The following TRDN variants were observed in gnomAD, a reference collection of about 807,000 sequenced individuals.
TRDN encodes triadin in skeletal muscle.
A neutral mutation model predicts 149.7 loss-of-function variants in TRDN; 161 were observed. The observed-to-expected ratio is 1.08, with a 90% CI of 0.95 to 1.23. The LOEUF (loss-of-function observed/expected upper bound fraction) is 1.23, where lower values mean the gene tolerates loss of function less well. Among genes scored for constraint, TRDN ranks in the 50% most tolerant of loss-of-function variants. TRDN has a pLI of 0.00. For synonymous variants in TRDN, 294 were observed against 250.5 expected (o/e 1.17, Z -1.64); for missense variants, 896 against 823.5 (o/e 1.09, Z -1.08).
chr6:123,460,366 A>G (rs1399841101), intron 10 of TRDN, among the ~76,000 whole-genome samples: 1 of 152,174 alleles, frequency 6.6e-6, no homozygotes. Flanking sequence ...AAAAATATTA[A>G]CAGCAACCAA....
chr6:123,351,655 T>A, intron 21 of TRDN: 2 of 949,036 alleles, frequency 2.1e-6, no homozygotes, highest in Non-Finnish European at 2.5e-6. Context: ...ATTGAAGGAT[T>A]TTCTTGATAT....
At chr6:123,412,715 T>C (rs1364253997) in intron 12 of TRDN, among the ~76,000 whole-genome samples, 2 of 152,140 alleles carry the variant, frequency 1.3e-5, no homozygotes, top group African/African-American at 2.4e-5. Context: ...GATATGTAGC[T>C]TTTAGTAACT....
chr6:123,343,498 A>G (rs536485751), intron 21 of TRDN, among the ~76,000 whole-genome samples: 29 of 152,064 alleles, frequency 1.9e-4, no homozygotes, highest in Admixed American at 1.3e-3. Flanking sequence ...AATTGAATAT[A>G]AGAAAAAATG....
chr6:123,581,463 C>T (rs530028132), intron 1 of TRDN, among the ~76,000 whole-genome samples: 1 of 152,198 alleles, frequency 6.6e-6, no homozygotes, highest in African/African-American at 2.4e-5. Flanking sequence ...ACAGTTAAGG[C>T]CCCAATAGTT....
intron 23 of TRDN, among the ~76,000 whole-genome samples, chr6:123,326,173 T>A (rs1779446485): frequency 6.6e-6 from 1 of 152,120 alleles, no homozygotes; most frequent in Non-Finnish European, 1.5e-5. Flanking sequence ...CCATAAGAAA[T>A]CGCACCCATG....
At chr6:123,529,541 GGCA>G (rs1473196518) in intron 5 of TRDN, 1 of 582,260 alleles carries the variant, frequency 1.7e-6, no homozygotes, top group Non-Finnish European at 3.1e-6. Context: ...GCAACAACAT[GGCA>G]TTGTATTAAT....
chr6:123,344,860 C>A (rs1423771383), intron 21 of TRDN, among the ~76,000 whole-genome samples: 1 of 152,000 alleles, frequency 6.6e-6, no homozygotes, highest in Non-Finnish European at 1.5e-5. Context: ...GCCAAATTGT[C>A]TTTTTGCATT....
chr6:123,485,759 A>G (rs1777947101), intron 9 of TRDN, among the ~76,000 whole-genome samples: 1 of 152,162 alleles, frequency 6.6e-6, no homozygotes, highest in Admixed American at 6.6e-5. Context: ...CTCATTTTAT[A>G]GATGAGGAAA....
chr6:123,475,037 A>C (rs1777394128), intron 9 of TRDN, among the ~76,000 whole-genome samples: 2 of 152,060 alleles, frequency 1.3e-5, no homozygotes, highest in African/African-American at 2.4e-5. Context: ...AGCTAGCAGA[A>C]GGCAAGAAAT....
intron 20 of TRDN, among the ~76,000 whole-genome samples, chr6:123,353,618 C>A (rs1159031959): frequency 6.6e-6 from 1 of 151,070 alleles, no homozygotes; most frequent in Non-Finnish European, 1.5e-5. Context: ...TGGTCCTGAT[C>A]TTTGTAAAAA....
intron 20 of TRDN, among the ~76,000 whole-genome samples, chr6:123,359,249 A>G (rs1217726904): frequency 6.6e-6 from 1 of 152,206 alleles, no homozygotes; most frequent in Non-Finnish European, 1.5e-5. Context: ...GTCTTCTAAC[A>G]TAGTCGGAAT....
At position 123,272,174 on chromosome 6, in the gene TRDN, A is replaced by G. The variant is rs76400701; in HGVS notation, c.1672+790T>C. On this transcript the variant is annotated intron_variant, in intron 29 of 40. Coordinates refer to ENST00000334268, the MANE Select transcript of TRDN (RefSeq NM_006073.4). The stretch of plus-strand genomic sequence containing the variant: ...CCATTGTATACAGATTTTCTGAAGT[A>G]CAATTTATAAAAGTAAGCAAAGGAT... Among the ~76,000 whole-genome samples, 691 of 152,108 alleles carry G rather than the reference A, an allele frequency of 4.5e-3. 26 individuals are homozygous for G. In the South Asian group the frequency reaches 0.076, roughly 17 times the overall value.
chr6:123,622,147 C>T (rs1460202600), intron 1 of TRDN, among the ~76,000 whole-genome samples: 1 of 152,054 alleles, frequency 6.6e-6, no homozygotes, highest in Non-Finnish European at 1.5e-5. Flanking sequence ...TTTTCCTCCT[C>T]CTCAGTCTAC....
chr6:123,426,134 G>T (rs906630127), intron 12 of TRDN, among the ~76,000 whole-genome samples: 21 of 152,234 alleles, frequency 1.4e-4, no homozygotes, highest in African/African-American at 5.1e-4. Context: ...TGCCAAGAAG[G>T]CAGAGAATGT....
chr6:123,313,385 G>A (rs1261717782), intron 24 of TRDN, among the ~76,000 whole-genome samples: 2 of 151,960 alleles, frequency 1.3e-5, no homozygotes, highest in Admixed American at 1.3e-4. Context: ...TGAGTTTTCA[G>A]CCTTCTTGCA....
At chr6:123,448,361 C>T (rs958646059) in intron 10 of TRDN, among the ~76,000 whole-genome samples, 2 of 152,158 alleles carry the variant, frequency 1.3e-5, no homozygotes, top group African/African-American at 4.8e-5. Flanking sequence ...CCATCTCGCC[C>T]TCCACCTGGA....
At chr6:123,608,414 C>T (rs894360270) in intron 1 of TRDN, among the ~76,000 whole-genome samples, 8 of 152,154 alleles carry the variant, frequency 5.3e-5, no homozygotes, top group East Asian at 3.9e-4. Flanking sequence ...AACATTTTCA[C>T]GAGAGTTGTG....
intron 22 of TRDN, among the ~76,000 whole-genome samples, chr6:123,332,179 G>T (rs2114727682): frequency 6.6e-6 from 1 of 152,158 alleles, no homozygotes; most frequent in Middle Eastern, 3.4e-3. Flanking sequence ...ACTTGTTTAA[G>T]AGAATGAGTA....
At chr6:123,529,460 A>G (rs1233058790) in intron 5 of TRDN, 1 of 1,063,142 alleles carries the variant, frequency 9.4e-7, no homozygotes, top group South Asian at 1.4e-5. Flanking sequence ...AGGATTAAAG[A>G]CATAATATCT....
Sources: gnomAD v4.1 joint callset for allele counts (sites outside exome capture counted in the v4.1 genomes callset) on GRCh38, gnomAD v4.1.1 for gene constraint, MANE v1.5 for transcripts, NCBI Gene and HGNC (gene_info 2026-07-23, HGNC 2026-07-21) for gene names.